Variants in ATF7IP2 observed in about 807,000 individuals in gnomAD.
The protein encoded by ATF7IP2 is activating transcription factor 7-interacting protein 2.
ATF7IP2 carries 42 observed loss-of-function variants against 64.2 expected under a neutral mutation model. The observed-to-expected ratio is 0.65, with a 90% CI of 0.51 to 0.85. The LOEUF (loss-of-function observed/expected upper bound fraction) is 0.85. Among genes scored for constraint, ATF7IP2 ranks in the 40% least tolerant of loss-of-function variants. The pLI is 0.00. For missense variants in ATF7IP2, 933 were observed against 784.2 expected, an observed-to-expected ratio of 1.19 and a Z score of -2.27; for synonymous variants, 308 against 272.8, an observed-to-expected ratio of 1.13 and a Z score of -1.27.
At chr16:10,444,826 C>T (rs1000066195) in intron 8 of ATF7IP2, among the ~76,000 whole-genome samples, 1 of 152,064 alleles carries the variant, frequency 6.6e-6, no homozygotes, top group Non-Finnish European at 1.5e-5. Context: ...TTATCTGAAT[C>T]AATGTTTTTT....
At chr16:10,412,172 C>A (rs1386519166) in intron 1 of ATF7IP2, among the ~76,000 whole-genome samples, 1 of 150,144 alleles carries the variant, frequency 6.7e-6, no homozygotes, top group Non-Finnish European at 1.5e-5. Context: ...GTTTCAATTT[C>A]ATTTAGCTCT....
At chr16:10,457,977 G>A (rs2049240458) in intron 9 of ATF7IP2, among the ~76,000 whole-genome samples, 1 of 152,214 alleles carries the variant, frequency 6.6e-6, no homozygotes, top group Admixed American at 6.5e-5. Flanking sequence ...CTCCCAGAGT[G>A]CTGGGATTAC....
chr16:10,478,988 AAGTC>A (rs1364372779), intron 12 of ATF7IP2, among the ~76,000 whole-genome samples: 49 of 151,646 alleles, frequency 3.2e-4, no homozygotes, highest in Non-Finnish European at 6.2e-4. Flanking sequence ...AATCATTAAA[AAGTC>A]AGGAAACAAC....
intron 8 of ATF7IP2, among the ~76,000 whole-genome samples, chr16:10,443,934 A>G (rs1042426635): frequency 2.0e-5 from 3 of 152,166 alleles, no homozygotes; most frequent in Non-Finnish European, 4.4e-5. Flanking sequence ...ACCTTCCGTG[A>G]AAGTCCAGCC....
chr16:10,446,678 T>A (rs1371137038), intron 8 of ATF7IP2: 1 of 152,214 alleles, frequency 6.6e-6, no homozygotes. Context: ...TTTTCTTGTG[T>A]TTAGTCCTTT....
chr16:10,400,073 C>A (rs1209261450), intron 1 of ATF7IP2, among the ~76,000 whole-genome samples: 1 of 151,998 alleles, frequency 6.6e-6, no homozygotes, highest in Non-Finnish European at 1.5e-5. Flanking sequence ...GAGAGTCTTA[C>A]TCTGTCAGCC....
In ATF7IP2 at chr16:10,440,402, A is replaced by G; in HGVS notation, c.1134A>G (p.Val378=). ...AACTTCAAAGACGTATTAAAACAGT[A>G]TTATTATTTCAAAGGAATTGTTTGA... is the stretch of plus-strand genomic sequence containing the variant. ...IAKLQRRIKT[V]LLFQRNCLKP... is the part of the protein sequence containing the mutation. Residue 378 remains valine, a synonymous_variant, in exon 8 of 14, where the codon GTA becomes GTG. Coordinates refer to ENST00000562102, the MANE Select transcript of ATF7IP2 (RefSeq NM_001393719.1). 6.4e-7 allele frequency: 1 copy of G among 1,568,208 alleles called. No homozygotes were observed. Among genetic ancestry groups the G allele is most frequent in the East Asian group, 2.3e-5 (1 of 43,408 alleles).
chr16:10,399,018 C>T (rs1366658384), intron 1 of ATF7IP2, among the ~76,000 whole-genome samples: 1 of 152,060 alleles, frequency 6.6e-6, no homozygotes, highest in Non-Finnish European at 1.5e-5. Flanking sequence ...GAGGCTGAGG[C>T]AGGAGAATCG....
rs1009151560 is a variant in ATF7IP2 at position 10,466,948 on chromosome 16, T to C, written c.1353-5162T>C. ...ACCTGTGCATCTGTTTCTATTGTTT[T>C]TCTGTCAGTCTCTGGTTTTTTTTTT... On this transcript the variant is annotated intron_variant, in intron 9 of 13. Coordinates refer to ENST00000562102, the MANE Select transcript of ATF7IP2 (RefSeq NM_001393719.1). 3.3e-5 allele frequency among the ~76,000 whole-genome samples: 5 copies of C among 152,318 alleles called. No individual in the cohort carries two copies. The East Asian group carries it at 9.6e-4, about 29-fold the overall frequency.
chr16:10,413,596 T>G (rs1415285749), intron 1 of ATF7IP2, among the ~76,000 whole-genome samples: 1 of 152,302 alleles, frequency 6.6e-6, no homozygotes, highest in East Asian at 1.9e-4. Flanking sequence ...GTTTTTTGTT[T>G]GTTTGTTTAT....
chr16:10,472,213 A>G lies in ATF7IP2; in HGVS notation c.1426+30A>G, dbSNP rs756250843. 1.3e-5 allele frequency: 16 copies of G among 1,227,842 alleles called. No homozygotes were observed. The Admixed American group carries it at 1.4e-4, about 11-fold the overall frequency. 76.1% of individuals were successfully genotyped at this position (1,227,842 alleles called of 1,614,324 possible). ...CTTATAGCTGATTAGAATATGATCT[A>G]TCAAGTTAGAAGGCCTTAAATCAAT... On this transcript the variant is annotated intron_variant, in intron 10 of 13. Coordinates refer to ENST00000562102, the MANE Select transcript of ATF7IP2 (RefSeq NM_001393719.1).
At chr16:10,404,794 T>C (rs1270217918) in intron 1 of ATF7IP2, among the ~76,000 whole-genome samples, 1 of 152,146 alleles carries the variant, frequency 6.6e-6, no homozygotes, top group African/African-American at 2.4e-5. Flanking sequence ...CCGCCCACTT[T>C]GGCCTCCCAA....
Position 10,458,552 on chromosome 16 carries a change from A to G in ATF7IP2, c.1352+1023A>G, listed in dbSNP as rs116360882. 8.8e-3 allele frequency among the ~76,000 whole-genome samples: 1,333 copies of G among 152,316 alleles called. 16 individuals are homozygous for G. The highest frequency in any genetic ancestry group is 0.03 in the African/African-American group (1,233 of 41,564). On this transcript the variant is annotated intron_variant, in intron 9 of 13. Coordinates refer to ENST00000562102, the MANE Select transcript of ATF7IP2 (RefSeq NM_001393719.1). ...CTGTTTAAGGCAGCACTCTCAGCCC[A>G]TGGTGAATGTGCGGATAGGTGTAAC...
chr16:10,440,315 A>T (rs1360432868), intron 7 of ATF7IP2, 49 bp from the exon 8 acceptor site: 4 of 900,912 alleles, frequency 4.4e-6, no homozygotes, highest in Admixed American at 2.9e-5. Context: ...TCTCTATGTG[A>T]TATATAGTAC....
intron 2 of ATF7IP2, among the ~76,000 whole-genome samples, chr16:10,414,870 C>G (rs982978399): frequency 3.3e-5 from 5 of 152,174 alleles, no homozygotes; most frequent in Non-Finnish European, 4.4e-5. Context: ...GAGAGCTGAG[C>G]TGTAGTGATT....
chr16:10,406,880 TGAG>T (rs2047650901), intron 1 of ATF7IP2, among the ~76,000 whole-genome samples: 1 of 152,172 alleles, frequency 6.6e-6, no homozygotes, highest in Non-Finnish European at 1.5e-5. Context: ...GAAAAATAGA[TGAG>T]GAGGTAATAC....
At chr16:10,388,956 G>A (rs1052054301) in intron 1 of ATF7IP2, among the ~76,000 whole-genome samples, 7 of 151,708 alleles carry the variant, frequency 4.6e-5, no homozygotes, top group Non-Finnish European at 1.0e-4. Flanking sequence ...AGCTTGCAGT[G>A]AGCCGAGATC....
At chr16:10,406,558 A>T (rs1209938920) in intron 1 of ATF7IP2, among the ~76,000 whole-genome samples, 6 of 152,216 alleles carry the variant, frequency 3.9e-5, no homozygotes, top group Non-Finnish European at 7.3e-5. Flanking sequence ...TTTAAATATA[A>T]AGCAAACATT....
At position 10,438,159 on chromosome 16, in the gene ATF7IP2, A is replaced by C; in HGVS notation, c.1019A>C (p.Lys340Thr). The C allele has an allele frequency of 6.2e-7, 1 of 1,602,644 alleles. No individual in the cohort carries two copies. The highest frequency in any genetic ancestry group is 1.3e-5 in the African/African-American group (1 of 74,190). Residue 340 changes from lysine to threonine, a missense_variant, in exon 7 of 14, where the codon AAA becomes ACA. Transcript: ENST00000562102. ...YSINYELFDK[K>T]LKELNQRIGK... ...ATAAATTATGAACTATTTGATAAGA[A>C]ACTGAAAGAATTGAACCAACGCATT...
Sources: allele counts gnomAD v4.1 joint callset (sites outside exome capture counted in the v4.1 genomes callset), GRCh38; gene constraint gnomAD v4.1.1; transcripts MANE v1.5; gene names NCBI Gene and HGNC (gene_info 2026-07-23, HGNC 2026-07-21).